TG: variants seen among roughly 807,000 people sequenced by gnomAD.
TG encodes thyroglobulin, also known as thyroid hormones.
TG carries 270 observed loss-of-function variants against 324.7 expected under a neutral mutation model. The ratio of observed to expected loss-of-function variants is 0.83; its 90% CI spans 0.75 to 0.92. The LOEUF (loss-of-function observed/expected upper bound fraction) is 0.92, where lower values mean the gene tolerates loss of function less well. Among genes scored for constraint, TG ranks in the 40% least tolerant of loss-of-function variants. The probability of loss-of-function intolerance (pLI) is 0.00; values close to 1 mark genes in which losing one functional copy is unlikely to be tolerated. For missense variants in TG, 3,591 were observed against 3,456.4 expected (o/e 1.04, Z -0.98); for synonymous variants, 1,401 against 1,327.0 (o/e 1.06, Z -1.21).
At chr8:133,114,179 C>A (rs1269024353) in intron 44 of TG, among the ~76,000 whole-genome samples, 1 of 152,226 alleles carries the variant, frequency 6.6e-6, no homozygotes, top group Admixed American at 6.5e-5. Flanking sequence ...GCTGATACCA[C>A]TCCCCACATA....
rs1839470192 is a variant in TG, at chr8:132,871,428, C to T, written c.355C>T (p.Gln119Ter). 6.2e-7 allele frequency: 1 copy of T among 1,614,206 alleles called. No individual in the cohort carries two copies. Among genetic ancestry groups the T allele is most frequent in the African/African-American group, 1.3e-5 (1 of 75,062 alleles). Residue 119 changes from glutamine to a stop codon, truncating the protein, a stop_gained, in exon 4 of 48, where the codon CAG becomes TAG. Coordinates refer to ENST00000220616, the MANE Select transcript of TG (RefSeq NM_003235.5). LOFTEE classifies it high-confidence loss of function. ...INSTDTSYLPQCQDSGDYAPV... is the reference protein window; with the variant it reads ...INSTDTSYLP ...CAGCACAGACACCTCCTACCTCCCT[C>T]AGTGTCAGGATTCAGGGGACTACGC...
At chr8:133,096,006 G>A (rs1420305583) in intron 42 of TG, among the ~76,000 whole-genome samples, 200 bp from the exon 43 acceptor site, 1 of 152,192 alleles carries the variant, frequency 6.6e-6, no homozygotes, top group East Asian at 1.9e-4. Flanking sequence ...GACCATCATT[G>A]CTGAGAGTGA....
intron 35 of TG, among the ~76,000 whole-genome samples, chr8:133,000,668 C>G (rs576937353): frequency 3.3e-5 from 5 of 152,306 alleles, no homozygotes; most frequent in African/African-American, 1.2e-4. Context: ...GTCTGTGCCG[C>G]TTCGTACAGG....
chr8:133,041,555 G>A (rs914521586), intron 41 of TG, among the ~76,000 whole-genome samples: 2 of 152,142 alleles, frequency 1.3e-5, no homozygotes, highest in African/African-American at 4.8e-5. Context: ...AGGATATGAG[G>A]CGAGGAAGAT....
intron 38 of TG, among the ~76,000 whole-genome samples, chr8:133,018,543 T>A (rs577966117): frequency 1.3e-5 from 2 of 149,132 alleles, no homozygotes; most frequent in South Asian, 4.2e-4. Context: ...TTTTTTTTTT[T>A]AGGGCACCCA....
At chr8:132,977,989 A>T (rs1830384101) in intron 34 of TG, among the ~76,000 whole-genome samples, 1 of 152,226 alleles carries the variant, frequency 6.6e-6, no homozygotes, top group South Asian at 2.1e-4. Context: ...TAAAGAAAAC[A>T]AACCTTTCTT....
chr8:133,047,292 G>A (rs191606825), intron 41 of TG: 2 of 153,460 alleles, frequency 1.3e-5, no homozygotes, highest in Non-Finnish European at 2.9e-5. Flanking sequence ...GAGGACACAT[G>A]TGATTCTCGG....
chr8:133,051,933 G>A (rs867273005), intron 41 of TG, among the ~76,000 whole-genome samples: 6 of 152,164 alleles, frequency 3.9e-5, no homozygotes, highest in Middle Eastern at 3.2e-3. Flanking sequence ...AGCACCTGTC[G>A]TAAGCAGCAT....
chr8:132,893,893 G>C lies in TG; in HGVS notation c.2965G>C (p.Gly989Arg). 1 of 1,614,060 alleles carries C rather than the reference G, an allele frequency of 6.2e-7. No homozygotes were observed. The highest frequency in any genetic ancestry group is 1.3e-5 in the African/African-American group (1 of 74,996). The change falls in exon 11 of 48, where the codon GGG becomes CGG. Residue 989 changes from glycine to arginine, a missense_variant. By Grantham distance (125) the Gly-to-Arg change is moderately radical (BLOSUM62 -2). Coordinates refer to ENST00000220616, the MANE Select transcript of TG (RefSeq NM_003235.5). ...REAFAEQFLR[G>R]SDYAIRLAAQ... ...GGCTTTCGCGGAGCAGTTTCTGCGT[G>C]GGAGTGATTACGCCATTCGCCTGGC... is the stretch of plus-strand genomic sequence containing the variant.
chr8:133,033,807 A>G (rs1024191437), intron 41 of TG, among the ~76,000 whole-genome samples: 6 of 152,198 alleles, frequency 3.9e-5, no homozygotes, highest in Non-Finnish European at 8.8e-5. Context: ...TAGTGAAAAC[A>G]CTTATATGTA....
chr8:133,097,029 G>A (rs993936872), intron 43 of TG, among the ~76,000 whole-genome samples: 1 of 152,184 alleles, frequency 6.6e-6, no homozygotes, highest in Non-Finnish European at 1.5e-5. Flanking sequence ...CCCTGCCTTG[G>A]ACAAGCTACT....
At chr8:132,973,698 A>G (rs192558340) in intron 34 of TG, among the ~76,000 whole-genome samples, 115 of 152,350 alleles carry the variant, frequency 7.5e-4, no homozygotes, top group African/African-American at 2.5e-3. Context: ...GGGCAGCCAC[A>G]TGGAAACTAG....
chr8:132,972,705 G>A lies in TG; in HGVS notation c.6163G>A (p.Val2055Ile). 1 of 1,613,724 alleles carries A rather than the reference G, an allele frequency of 6.2e-7. No homozygotes were observed. The highest frequency in any genetic ancestry group is 8.5e-7 in the Non-Finnish European group (1 of 1,179,914). The change falls in exon 34 of 48, where the codon GTC becomes ATC. Residue 2055 changes from valine (V) to isoleucine (I), a missense_variant. Coordinates refer to ENST00000220616, the MANE Select transcript of TG (RefSeq NM_003235.5). The part of the protein sequence containing the change: ...ILDCGSPDIE[V>I]HTYPFGWYQK... ...GGACTGTGGCTCTCCTGACATTGAA[G>A]TCCACACCTATCCCTTCGGATGGTA...
intron 41 of TG, chr8:133,051,043 C>G (rs1322786840): frequency 1.6e-6 from 1 of 632,990 alleles, no homozygotes; most frequent in Non-Finnish European, 2.8e-6. Flanking sequence ...TTGTTTTGAA[C>G]CACCAATTTA....
intron 46 of TG, among the ~76,000 whole-genome samples, chr8:133,132,906 G>A (rs1304004952): frequency 6.6e-6 from 1 of 152,196 alleles, no homozygotes; most frequent in East Asian, 1.9e-4. Flanking sequence ...CTGGGCAAAT[G>A]CAGCAGGGAT....
chr8:133,021,670 C>T (rs1835576832), intron 39 of TG, among the ~76,000 whole-genome samples: 1 of 152,228 alleles, frequency 6.6e-6, no homozygotes, highest in Non-Finnish European at 1.5e-5. Context: ...TTCCTTTTCT[C>T]TTCCTTGTGT....
intron 35 of TG, among the ~76,000 whole-genome samples, chr8:133,004,418 A>C (rs1833840059): frequency 6.6e-6 from 1 of 152,112 alleles, no homozygotes; most frequent in Admixed American, 6.6e-5. Flanking sequence ...TAAGTTCTGC[A>C]CTGTGACCTG....
At chr8:132,993,188 C>T (rs1832539999) in intron 35 of TG, among the ~76,000 whole-genome samples, 1 of 152,136 alleles carries the variant, frequency 6.6e-6, no homozygotes, top group African/African-American at 2.4e-5. Flanking sequence ...ATATAAGTCT[C>T]CACTTTGACC....
At chr8:133,128,178 C>T (rs752191725) in intron 45 of TG, among the ~76,000 whole-genome samples, 8 of 152,128 alleles carry the variant, frequency 5.3e-5, no homozygotes, top group African/African-American at 1.4e-4. Context: ...CTCAGCAGAA[C>T]GGCCACCTTT....
Sources: gnomAD v4.1 joint callset for allele counts (sites outside exome capture counted in the v4.1 genomes callset) on GRCh38, gnomAD v4.1.1 for gene constraint, MANE v1.5 for transcripts, NCBI Gene and HGNC (gene_info 2026-07-23, HGNC 2026-07-21) for gene names.